The following IL1RAPL2 variants were observed in gnomAD, a reference collection of about 807,000 sequenced individuals.
The protein encoded by IL1RAPL2 is X-linked interleukin-1 receptor accessory protein-like 2.
IL1RAPL2 carries 3 observed loss-of-function variants against 44.1 expected under a neutral mutation model. The observed-to-expected ratio is 0.07, with a 90% CI of 0.03 to 0.18. The LOEUF is 0.18. IL1RAPL2 is among the 10% of genes least tolerant of loss of function. The probability of loss-of-function intolerance (pLI) is 1.00; values close to 1 mark genes in which losing one functional copy is unlikely to be tolerated. For missense variants in IL1RAPL2, 391 were observed against 496.4 expected (o/e 0.79, Z 2.02); for synonymous variants, 181 against 178.8 (o/e 1.01, Z -0.10).
At chrX:105,494,990 G>A (rs1380438804) in intron 6 of IL1RAPL2, among the ~76,000 whole-genome samples, 1 of 112,026 alleles carries the variant, frequency 8.9e-6, no homozygotes, top group East Asian at 2.8e-4. Flanking sequence ...CGGCAAGGTG[G>A]TAAGCAAAGA....
intron 5 of IL1RAPL2, among the ~76,000 whole-genome samples, chrX:105,374,426 G>C (rs1403441673): frequency 9.0e-6 from 1 of 111,008 alleles, no homozygotes; most frequent in East Asian, 2.9e-4. Flanking sequence ...AGATTGCTTT[G>C]GGCAGGATGG....
At chrX:104,717,445 T>TCAAAAAAAAAAAAAAAA (rs1931591194) in intron 2 of IL1RAPL2, among the ~76,000 whole-genome samples, 1 of 83,550 alleles carries the variant, frequency 1.2e-5, no homozygotes. Flanking sequence ...ACTTAAAAGT[T>TCAAAAAAAAAAAAAAAA]AAAAAAAAAA....
At chrX:105,261,841 T>G (rs967842080) in intron 4 of IL1RAPL2, among the ~76,000 whole-genome samples, 1 of 110,760 alleles carries the variant, frequency 9.0e-6, no homozygotes, top group Non-Finnish European at 1.9e-5. Context: ...AGGGTGAGAG[T>G]AAGTGCTATA....
At chrX:104,904,593 C>A (rs1318155038) in intron 2 of IL1RAPL2, among the ~76,000 whole-genome samples, 188 of 108,699 alleles carry the variant, frequency 1.7e-3, no homozygotes, top group Non-Finnish European at 2.7e-3. Context: ...GAGAATGATG[C>A]TTTCCAATTT....
At chrX:104,732,156 G>A (rs1275574732) in intron 2 of IL1RAPL2, among the ~76,000 whole-genome samples, 2 of 112,067 alleles carry the variant, frequency 1.8e-5, no homozygotes, top group South Asian at 7.4e-4. Flanking sequence ...TGCTGCCAAT[G>A]TCAGAGTTGA....
rs374800283 is a variant in IL1RAPL2, at chrX:105,449,755, A to C, written c.698-34558A>C. ...AGTGAGATTCCGTCAAAAAAAAAAC[A>C]AAAAACAAAAAACAGAAGTATTCTC... On this transcript the variant is annotated intron_variant, in intron 5 of 10. Coordinates refer to ENST00000372582, the MANE Select transcript of IL1RAPL2 (RefSeq NM_017416.2). 5.5e-4 allele frequency among the ~76,000 whole-genome samples: 61 copies of C among 110,455 alleles called. 1 individual carries two copies. The highest frequency in any genetic ancestry group is 1.8e-3 in the African/African-American group (55 of 30,057).
At position 104,712,307 on chromosome X, in the gene IL1RAPL2, G is replaced by C. The variant is rs769409669; in HGVS notation, c.82+53312G>C. Among the ~76,000 whole-genome samples the C allele has an allele frequency of 2.7e-3, 302 of 110,856 alleles. 3 individuals are homozygous for C. Among genetic ancestry groups the C allele is most frequent in the Non-Finnish European group, 4.6e-3 (241 of 52,627 alleles). The stretch of plus-strand genomic sequence containing the variant: ...TGATAAGGCTGAGGGGCAAAGGTTT[G>C]CCACAGGGAATAAATTGATGGTTAA... On this transcript the variant is annotated intron_variant, in intron 2 of 10. Transcript: ENST00000372582.
chrX:105,520,902 A>G (rs1203858782), intron 6 of IL1RAPL2, among the ~76,000 whole-genome samples: 1 of 83,594 alleles, frequency 1.2e-5, no homozygotes, highest in Non-Finnish European at 2.5e-5. Flanking sequence ...TAGAAGCAAT[A>G]TTATAGCTAT....
chrX:105,679,184 A>C (rs1216282782), intron 6 of IL1RAPL2, among the ~76,000 whole-genome samples: 1 of 111,670 alleles, frequency 9.0e-6, no homozygotes, highest in Non-Finnish European at 1.9e-5. Context: ...GGCTCTACTT[A>C]AGTTATAATC....
intron 6 of IL1RAPL2, among the ~76,000 whole-genome samples, chrX:105,566,571 C>T (rs751454974): frequency 8.9e-6 from 1 of 111,776 alleles, no homozygotes; most frequent in African/African-American, 3.2e-5. Context: ...GCACACAACA[C>T]ATTAAGGACG....
intron 2 of IL1RAPL2, among the ~76,000 whole-genome samples, chrX:105,140,599 A>G (rs780499692): frequency 3.6e-5 from 4 of 112,315 alleles, no homozygotes; most frequent in African/African-American, 1.3e-4. Flanking sequence ...AAACCAGTTG[A>G]TACAATACTC....
chrX:105,675,037 C>T (rs1439906927), intron 6 of IL1RAPL2, among the ~76,000 whole-genome samples: 4 of 110,903 alleles, frequency 3.6e-5, no homozygotes, highest in African/African-American at 9.8e-5. Context: ...GCTGAAGTTG[C>T]TTATCAGCTT....
intron 5 of IL1RAPL2, among the ~76,000 whole-genome samples, chrX:105,449,962 G>C (rs1012320393): frequency 1.8e-5 from 2 of 111,758 alleles, no homozygotes; most frequent in African/African-American, 6.5e-5. Flanking sequence ...CTCATCCAAG[G>C]CCCTTCCCTT....
At chrX:104,666,419 A>T (rs1312410725) in intron 2 of IL1RAPL2, among the ~76,000 whole-genome samples, 2 of 112,014 alleles carry the variant, frequency 1.8e-5, no homozygotes, top group Admixed American at 1.9e-4. Flanking sequence ...GCTCTGTAGC[A>T]TCTTCCAAAT....
chrX:104,820,188 C>T (rs1376157133), intron 2 of IL1RAPL2, among the ~76,000 whole-genome samples: 1 of 111,491 alleles, frequency 9.0e-6, no homozygotes, highest in East Asian at 2.8e-4. Flanking sequence ...TGTCTCTTAT[C>T]GTTGTTAAAG....
intron 2 of IL1RAPL2, among the ~76,000 whole-genome samples, chrX:104,758,392 C>T (rs1382997560): frequency 9.0e-6 from 1 of 111,171 alleles, no homozygotes; most frequent in Non-Finnish European, 1.9e-5. Flanking sequence ...AGCTCTAACA[C>T]TTCTCTTTGC....
chrX:104,575,506 T>C (rs1206386842), intron 1 of IL1RAPL2, among the ~76,000 whole-genome samples: 1 of 111,543 alleles, frequency 9.0e-6, no homozygotes, highest in African/African-American at 3.3e-5. Context: ...TTGGGGAATA[T>C]GGGGAAAGGA....
At chrX:105,540,578 G>T (rs936262454) in intron 6 of IL1RAPL2, among the ~76,000 whole-genome samples, 2 of 107,883 alleles carry the variant, frequency 1.9e-5, no homozygotes, top group African/African-American at 6.7e-5. Flanking sequence ...CCATGACTTT[G>T]ATTATCATTT....
At chrX:104,670,843 T>G (rs1383570421) in intron 2 of IL1RAPL2, among the ~76,000 whole-genome samples, 1 of 111,665 alleles carries the variant, frequency 9.0e-6, no homozygotes, top group Non-Finnish European at 1.9e-5. Context: ...AATGGTGTTT[T>G]TACTTGTTTG....
Sources: allele counts gnomAD v4.1 joint callset (sites outside exome capture counted in the v4.1 genomes callset), GRCh38; gene constraint gnomAD v4.1.1; transcripts MANE v1.5; gene names NCBI Gene and HGNC (gene_info 2026-07-23, HGNC 2026-07-21).